Variants in DNAH2 observed in about 807,000 individuals in gnomAD.
DNAH2 encodes dynein axonemal heavy chain 2, also known as axonemal beta dynein heavy chain 2.
A neutral mutation model predicts 523.5 loss-of-function variants in DNAH2; 323 were observed. The ratio of observed to expected loss-of-function variants is 0.62; its 90% CI spans 0.56 to 0.68. The LOEUF (loss-of-function observed/expected upper bound fraction) is 0.68. Ranked by LOEUF, DNAH2 falls within the 30% of genes least tolerant of loss-of-function variation. DNAH2 has a pLI of 0.00. For missense variants in DNAH2, 4,907 were observed against 5,701.5 expected (o/e 0.86, Z 4.49); for synonymous variants, 2,093 against 2,177.4 (o/e 0.96, Z 1.08).
At position 7,798,506 on chromosome 17, in the gene DNAH2, C is replaced by G; in HGVS notation, c.8399-52C>G. On this transcript the variant is annotated intron_variant, in intron 54 of 85. Transcript: ENST00000572933. The surrounding 1 kb of genome is among the most constrained non-coding windows in gnomAD (Gnocchi z 5.5). ...CCTAAATCTCAGAAAAGGAATCAAG[C>G]CCAGGATGGGGAATCTGCAGTGAGT... 1.2e-6 allele frequency: 2 copies of G among 1,605,082 alleles called. No homozygotes were observed. Among genetic ancestry groups the G allele is most frequent in the Admixed American group, 3.4e-5 (2 of 59,622 alleles).
Position 7,739,765 on chromosome 17 carries a change from G to A in DNAH2, c.1203G>A (p.Trp401Ter). 3 of 1,613,690 alleles carry A rather than the reference G, an allele frequency of 1.9e-6. No homozygotes were observed. The highest frequency in any genetic ancestry group is 2.5e-6 in the Non-Finnish European group (3 of 1,179,998). ...ACTGTCAGTATCACTTCGCCCGCTGGGAAGATGGCAAGCAGGGTCCCCTTC... is the reference window on the plus strand; with the variant it reads ...ACTGTCAGTATCACTTCGCCCGCTGAGAAGATGGCAAGCAGGGTCCCCTTC... ...VCDCQYHFAR[W>*]EDGKQGPLPC... The change falls in exon 9 of 86, where the codon TGG becomes TGA. Residue 401 changes from tryptophan (W) to a stop codon, truncating the protein, a stop_gained. Transcript: ENST00000572933. LOFTEE classifies it high-confidence loss of function.
chr17:7,819,473 G>A, intron 72 of DNAH2, 65 bp downstream of exon 72: 3 of 1,566,402 alleles, frequency 1.9e-6, no homozygotes, highest in Non-Finnish European at 2.6e-6. Flanking sequence ...TCTGGCCACT[G>A]CACCTTCGTG....
chr17:7,818,693 G>C lies in DNAH2; in HGVS notation c.10587G>C (p.Glu3529Asp), dbSNP rs1468046996. ...LGIVVRKERPELEEQKDSLVI... is the reference protein window; with the variant it reads ...LGIVVRKERPDLEEQKDSLVI... Reference sequence around the variant, plus strand: ...TTGTGGTGCGGAAGGAGCGGCCTGAGCTGGAGGAGCAGAAGGACTCACTGG... The same window carrying C: ...TTGTGGTGCGGAAGGAGCGGCCTGACCTGGAGGAGCAGAAGGACTCACTGG... The change falls in exon 70 of 86, where the codon GAG becomes GAC. Residue 3529 changes from glutamate (E) to aspartate (D), a missense_variant. By Grantham distance (45) the Glu-to-Asp change is conservative. Transcript: ENST00000572933. The C allele has an allele frequency of 6.2e-7, 1 of 1,614,084 alleles. No individual in the cohort carries two copies. Among genetic ancestry groups the C allele is most frequent in the Non-Finnish European group, 8.5e-7 (1 of 1,180,010 alleles).
rs772599762 is a variant in DNAH2, at chr17:7,792,262, A to G, written c.7064A>G (p.Tyr2355Cys). 6.2e-7 allele frequency: 1 copy of G among 1,614,030 alleles called. No individual in the cohort carries two copies. Among genetic ancestry groups the G allele is most frequent in the Non-Finnish European group, 8.5e-7 (1 of 1,179,992 alleles). Residue 2355 changes from tyrosine (Y) to cysteine (C), a missense_variant, in exon 46 of 86, where the codon TAT (tyrosine) becomes TGT (cysteine). Tyr to Cys is a radical substitution (Grantham distance 194, BLOSUM62 -2). Around this residue, in one of 3 missense-constraint regions of DNAH2, gnomAD observed 2,806 missense variants for 3,190.8 expected, o/e 0.88. Coordinates refer to ENST00000572933, the MANE Select transcript of DNAH2 (RefSeq NM_020877.5). ...ACATGCCCTCCTTAGGACACGGTATATGAGTATTTTGTGGACCCCAAAATA... is the reference window on the plus strand; with the variant it reads ...ACATGCCCTCCTTAGGACACGGTATGTGAGTATTTTGTGGACCCCAAAATA... ...EGSFPNKDTVYEYFVDPKIRS... is the reference protein window; with the variant it reads ...EGSFPNKDTVCEYFVDPKIRS...
In DNAH2 at chr17:7,801,649, A is replaced by G. The variant is rs1225674167; in HGVS notation, c.8771A>G (p.Glu2924Gly). ...TINWFSEWPQ[E>G]ALLEVAEKCL... ...AACTGGTTCTCAGAGTGGCCCCAAGAGGCCCTGCTCGAGGTGGCTGAGAAG... is the reference window on the plus strand; with the variant it reads ...AACTGGTTCTCAGAGTGGCCCCAAGGGGCCCTGCTCGAGGTGGCTGAGAAG... Residue 2924 changes from glutamate to glycine, a missense_variant, in exon 57 of 86, where the codon GAG becomes GGG. Around this residue, in one of 3 missense-constraint regions of DNAH2, gnomAD observed 1,851 missense variants for 2,139.4 expected, o/e 0.87. Coordinates refer to ENST00000572933, the MANE Select transcript of DNAH2 (RefSeq NM_020877.5). The G allele has an allele frequency of 1.9e-6, 3 of 1,614,162 alleles. No individual in the cohort carries two copies. In the Admixed American group the frequency reaches 5.0e-5, roughly 27 times the overall value.
chr17:7,723,807 T>C, intron 3 of DNAH2, 118 bp downstream of exon 3: 1 of 903,792 alleles, frequency 1.1e-6, no homozygotes, highest in Non-Finnish European at 1.8e-6. Flanking sequence ...CTACTTGCTC[T>C]CTGCTGTTAG....
chr17:7,800,693 C>T (rs894005332), intron 56 of DNAH2, among the ~76,000 whole-genome samples: 29 of 149,982 alleles, frequency 1.9e-4, no homozygotes, highest in Admixed American at 1.1e-3. Flanking sequence ...GGTGAAACCC[C>T]GTCTCTACTA....
chr17:7,798,377 C>G lies in DNAH2; in HGVS notation c.8398+53C>G. 1.3e-6 allele frequency: 2 copies of G among 1,567,918 alleles called. No individual in the cohort carries two copies. The highest frequency in any genetic ancestry group is 1.7e-6 in the Non-Finnish European group (2 of 1,155,164). On this transcript the variant is annotated intron_variant, in intron 54 of 85. Transcript: ENST00000572933. This position sits in a 1 kb window ranked among gnomAD's most constrained non-coding sequence, Gnocchi z 5.5. Reference sequence around the variant, plus strand: ...AATAAAAGATCAGATGCATACATTCCTGCAGTGACAAGAGAGGAGAGATGG... The same window carrying G: ...AATAAAAGATCAGATGCATACATTCGTGCAGTGACAAGAGAGGAGAGATGG...
rs143125898 is a variant in DNAH2 at position 7,801,761 on chromosome 17, C to T, written c.8832+51C>T. The T allele has an allele frequency of 1.6e-4, 251 of 1,611,416 alleles. No homozygotes were observed. The East Asian group carries it at 3.2e-3, about 20-fold the overall frequency. On this transcript the variant is annotated intron_variant, in intron 57 of 85. Transcript: ENST00000572933. ...TTGCATCCCTGGCCTCCCTCTCCCC[C>T]GCCTCTCATCTCTCATCGCACCCCC...
intron 8 of DNAH2, 102 bp downstream of exon 8, chr17:7,737,360 A>G: frequency 7.9e-7 from 1 of 1,273,562 alleles, no homozygotes; most frequent in Non-Finnish European, 1.1e-6. Context: ...TTGAAAAGGT[A>G]GTGAAGATTG....
At chr17:7,822,450 C>G (rs1209789541) in intron 73 of DNAH2, among the ~76,000 whole-genome samples, 1 of 152,178 alleles carries the variant, frequency 6.6e-6, no homozygotes, top group East Asian at 1.9e-4. Flanking sequence ...AGCCTACTCC[C>G]CGGCGTGTGC....
intron 72 of DNAH2, among the ~76,000 whole-genome samples, 166 bp downstream of exon 72, chr17:7,819,574 G>A (rs943415123): frequency 1.4e-4 from 22 of 152,316 alleles, no homozygotes; most frequent in African/African-American, 4.8e-4. Flanking sequence ...CATCACCTGT[G>A]GGCTGATGAT....
At chr17:7,771,284 G>A in intron 27 of DNAH2, 46 bp from the exon 28 acceptor site, 7 of 1,612,330 alleles carry the variant, frequency 4.3e-6, no homozygotes, top group Non-Finnish European at 5.9e-6. Context: ...AGAGGGTGGA[G>A]AGTGTGTAAG....
chr17:7,748,269 G>A (rs2075571759), intron 12 of DNAH2, among the ~76,000 whole-genome samples: 1 of 152,210 alleles, frequency 6.6e-6, no homozygotes, highest in African/African-American at 2.4e-5. Context: ...GTGGAGCAGA[G>A]TAGAATTTCC....
At chr17:7,825,689 C>T (rs548940490) in intron 77 of DNAH2, among the ~76,000 whole-genome samples, 2 of 152,208 alleles carry the variant, frequency 1.3e-5, no homozygotes, top group Non-Finnish European at 2.9e-5. Flanking sequence ...TCTACTTTCT[C>T]CTTTCACAAG....
At chr17:7,803,048 C>T (rs923867795) in intron 58 of DNAH2, among the ~76,000 whole-genome samples, 1 of 152,182 alleles carries the variant, frequency 6.6e-6, no homozygotes, top group Non-Finnish European at 1.5e-5. Context: ...TACTTCACTT[C>T]TGACACCAGA....
chr17:7,741,952 T>C (rs142006956), intron 11 of DNAH2, among the ~76,000 whole-genome samples: 1,925 of 150,434 alleles, frequency 0.013, 17 homozygotes, highest in African/African-American at 0.029. Context: ...CATGAGCCAC[T>C]GCGCCCGGCC....
Position 7,828,031 on chromosome 17 carries a change from C to T in DNAH2, c.11854-2269C>T, listed in dbSNP as rs1056975292. On this transcript the variant is annotated intron_variant, in intron 77 of 85. Transcript: ENST00000572933. The surrounding 1 kb of genome is among the most constrained non-coding windows in gnomAD (Gnocchi z 4.1). ...CTCACTGCAACCTCTGCCTCCCAGGCTCTAGCAATCTTTCCACCTGCACCT... is the reference window on the plus strand; with the variant it reads ...CTCACTGCAACCTCTGCCTCCCAGGTTCTAGCAATCTTTCCACCTGCACCT... Among the ~76,000 whole-genome samples the T allele has an allele frequency of 6.6e-6, 1 of 152,020 alleles. No individual in the cohort carries two copies. Among genetic ancestry groups the T allele is most frequent in the Admixed American group, 6.5e-5 (1 of 15,272 alleles).
chr17:7,823,966 T>G lies in DNAH2; in HGVS notation c.11462T>G (p.Val3821Gly), dbSNP rs2077944065. The change falls in exon 75 of 86, where the codon GTG (valine) becomes GGG (glycine). Residue 3821 changes from valine (V) to glycine (G), a missense_variant. By Grantham distance (109) the Val-to-Gly change is moderately radical. This residue lies in a region of DNAH2 where 1,851 missense variants were observed against 2,139.4 expected (regional missense o/e 0.87). Coordinates refer to ENST00000572933, the MANE Select transcript of DNAH2 (RefSeq NM_020877.5). ...NLGSRFIEPP[V>G]LNMKSVLEDS... is the part of the protein sequence containing the mutation. ...GGCTCCCGCTTCATCGAGCCGCCTGTGCTGAATATGAAGTCGGTCGGTGGC... is the reference window on the plus strand; with the variant it reads ...GGCTCCCGCTTCATCGAGCCGCCTGGGCTGAATATGAAGTCGGTCGGTGGC... 1 of 1,613,514 alleles carries G rather than the reference T, an allele frequency of 6.2e-7. No homozygotes were observed.
Sources: allele counts gnomAD v4.1 joint callset (sites outside exome capture counted in the v4.1 genomes callset), GRCh38; gene constraint gnomAD v4.1.1; regional missense constraint gnomAD v4.1.1; non-coding constraint Gnocchi (gnomAD v3.1); transcripts MANE v1.5; gene names NCBI Gene and HGNC (gene_info 2026-07-23, HGNC 2026-07-21).